SON: variants seen among roughly 807,000 people sequenced by gnomAD.
SON encodes the protein protein SON.
SON carries 4 observed loss-of-function variants against 173.3 expected under a neutral mutation model. The ratio of observed to expected loss-of-function variants is 0.02; its 90% CI spans 0.01 to 0.05. SON has a LOEUF of 0.05. SON is among the 10% of genes least tolerant of loss of function. The pLI, the probability that SON is intolerant of heterozygous loss-of-function variation, is 1.00. For missense variants in SON, 2,626 were observed against 3,055.3 expected (o/e 0.86, Z 3.31); for synonymous variants, 1,190 against 1,105.9 (o/e 1.08, Z -1.51).
rs1430557560 is a variant in SON at position 33,553,610 on chromosome 21, T to C, written c.4379T>C (p.Val1460Ala). 6.2e-7 allele frequency: 1 copy of C among 1,613,984 alleles called. No homozygotes were observed. The highest frequency in any genetic ancestry group is 1.1e-5 in the South Asian group (1 of 91,082). The change falls in exon 3 of 12, where the codon GTA becomes GCA. Residue 1460 changes from valine (V) to alanine (A), a missense_variant. Physicochemically the swap from Val to Ala is moderately conservative, Grantham distance 64. Coordinates refer to ENST00000356577, the MANE Select transcript of SON (RefSeq NM_138927.4). ...GTCACAGTCTCAGAGCAGACTCAAG[T>C]AATACCAACTGAGGTGGCTATAGAG... ...PAVTVSEQTQ[V>A]IPTEVAIEST...
At chr21:33,548,115 AAATC>A (rs72264757) in intron 2 of SON, among the ~76,000 whole-genome samples, 17,723 of 152,130 alleles carry the variant, frequency 0.12, 1,125 homozygotes, top group East Asian at 0.25. Flanking sequence ...TAGAGTAAAT[AAATC>A]CCATCTGGTT....
rs779267364 is a variant in SON at position 33,554,639 on chromosome 21, G to C, written c.5408G>C (p.Ser1803Thr). The C allele has an allele frequency of 8.7e-6, 14 of 1,612,982 alleles. No individual in the cohort carries two copies. The highest frequency in any genetic ancestry group is 3.3e-4 in the Middle Eastern group (2 of 6,062). The change falls in exon 3 of 12, where the codon AGC becomes ACC. Residue 1803 changes from serine (S) to threonine (T), a missense_variant. This residue lies in a region of SON where 1,006 missense variants were observed against 895.6 expected (regional missense o/e 1.12). Coordinates refer to ENST00000356577, the MANE Select transcript of SON (RefSeq NM_138927.4). ...AAAGTTAAGGACACTCACGAAAAAA[G>C]CAAGAAAAATAAGAACCGTGATAAG... Reference protein sequence around the residue: ...FVKVKDTHEKSKKNKNRDKGE... With the variant: ...FVKVKDTHEKTKKNKNRDKGE...
Position 33,553,453 on chromosome 21 carries a change from C to T in SON, c.4222C>T (p.Pro1408Ser), listed in dbSNP as rs1428108849. The T allele has an allele frequency of 1.9e-6, 3 of 1,614,190 alleles. No homozygotes were observed. Among genetic ancestry groups the T allele is most frequent in the African/African-American group, 2.7e-5 (2 of 75,040 alleles). The change falls in exon 3 of 12, where the codon CCA (proline) becomes TCA (serine). Residue 1408 changes from proline (P) to serine (S), a missense_variant. Physicochemically the swap from Pro to Ser is moderately conservative, Grantham distance 74. Around this residue, in one of 13 missense-constraint regions of SON, gnomAD observed 1,006 missense variants for 895.6 expected, o/e 1.12. Transcript: ENST00000356577. ...AEPDYVTIPVPVVSALEPSVP... is the reference protein window; with the variant it reads ...AEPDYVTIPVSVVSALEPSVP... ...GCCAGACTATGTTACCATTCCTGTG[C>T]CAGTTGTTTCTGCGCTGGAGCCTTC... is the stretch of plus-strand genomic sequence containing the variant.
In SON at chr21:33,554,151, C is replaced by T; in HGVS notation, c.4920C>T (p.Asp1640=). 2 of 1,614,122 alleles carry T rather than the reference C, an allele frequency of 1.2e-6. No individual in the cohort carries two copies. The highest frequency in any genetic ancestry group is 1.7e-6 in the Non-Finnish European group (2 of 1,179,980). ...TAACTACTCAAGATACTGAACATGACATGGTAATTTCCACCAGTCCTAGTG... is the reference window on the plus strand; with the variant it reads ...TAACTACTCAAGATACTGAACATGATATGGTAATTTCCACCAGTCCTAGTG... The part of the protein sequence containing the change: ...LSLTTQDTEH[D]MVISTSPSGG... Residue 1640 remains aspartate, a synonymous_variant, in exon 3 of 12, where the codon GAC becomes GAT. Transcript: ENST00000356577.
chr21:33,549,443 A>C, intron 2 of SON, 33 bp from the exon 3 acceptor site: 3 of 1,487,040 alleles, frequency 2.0e-6, no homozygotes, highest in Non-Finnish European at 2.7e-6. Flanking sequence ...ACTTTGGGGA[A>C]TGTCTGACAA....
intron 2 of SON, among the ~76,000 whole-genome samples, chr21:33,548,527 A>G (rs963820792): frequency 2.6e-5 from 4 of 152,202 alleles, no homozygotes; most frequent in Non-Finnish European, 4.4e-5. Flanking sequence ...ATATTTTTAT[A>G]CTCTGTAGAA....
chr21:33,549,649 A>T lies in SON; in HGVS notation c.418A>T (p.Thr140Ser). The T allele has an allele frequency of 6.2e-7, 1 of 1,610,360 alleles. No individual in the cohort carries two copies. The highest frequency in any genetic ancestry group is 8.5e-7 in the Non-Finnish European group (1 of 1,179,000). The change falls in exon 3 of 12, where the codon ACG (threonine) becomes TCG (serine). Residue 140 changes from threonine to serine, a missense_variant. Physicochemically the swap from Thr to Ser is moderately conservative, Grantham distance 58. Around this residue, in one of 13 missense-constraint regions of SON, gnomAD observed 757 missense variants for 730.1 expected, o/e 1.04. Coordinates refer to ENST00000356577, the MANE Select transcript of SON (RefSeq NM_138927.4). The stretch of plus-strand genomic sequence containing the variant: ...ACAGCCAGAAGAATCTGAGTCAAAG[A>T]CGAAATCTCATGATGATGGGAACAT... Reference protein sequence around the residue: ...KRQPEESESKTKSHDDGNIDL... With the variant: ...KRQPEESESKSKSHDDGNIDL...
chr21:33,561,633 AGT>A lies in SON; in HGVS notation c.6657+1868_6657+1869del, dbSNP rs975080970. ...GCTTACACTTTTTTGAGAGAGAGAG[AGT>A]GTGTGTGTGCGTCTATTTATTTGAA... is the stretch of plus-strand genomic sequence containing the variant. On this transcript the variant is annotated intron_variant, in intron 6 of 11. Coordinates refer to ENST00000356577, the MANE Select transcript of SON (RefSeq NM_138927.4). Among the ~76,000 whole-genome samples, 608 of 152,042 alleles carry A rather than the reference AGT, an allele frequency of 4.0e-3. 4 individuals carry two copies. Among genetic ancestry groups the A allele is most frequent in the African/African-American group, 0.014 (582 of 41,474 alleles).
At chr21:33,560,361 A>C in intron 6 of SON, 5 of 1,257,602 alleles carry the variant, frequency 4.0e-6, no homozygotes, top group South Asian at 2.5e-5. Context: ...CTTGTGTTTA[A>C]CCTAATGCTC....
rs1303313731 is a variant in SON, at chr21:33,573,466, C to A, written c.7033+11C>A. The A allele has an allele frequency of 1.2e-6, 2 of 1,604,052 alleles. No homozygotes were observed. Among genetic ancestry groups the A allele is most frequent in the African/African-American group, 2.7e-5 (2 of 74,314 alleles). On this transcript the variant is annotated intron_variant, in intron 9 of 11. Transcript: ENST00000356577. ...AGACAGACCGAAAAGGTAACAAGTT[C>A]TTTTTTGGAATGTTTATTAACGTCT... is the stretch of plus-strand genomic sequence containing the variant.
At chr21:33,548,296 T>G (rs951414094) in intron 2 of SON, among the ~76,000 whole-genome samples, 3 of 151,574 alleles carry the variant, frequency 2.0e-5, no homozygotes, top group African/African-American at 7.3e-5. Context: ...GGGGAAAATG[T>G]TATCTCTTTA....
chr21:33,549,624 A>G lies in SON; in HGVS notation c.393A>G (p.Arg131=). Residue 131 remains arginine, a synonymous_variant, in exon 3 of 12, where the codon AGA becomes AGG. Transcript: ENST00000356577. The part of the protein sequence containing the change: ...KKKEKEKKYK[R]QPEESESKTK... ...AAGAAAAGGAAAAAAAATATAAAAG[A>G]CAGCCAGAAGAATCTGAGTCAAAGA... is the stretch of plus-strand genomic sequence containing the variant. The G allele has an allele frequency of 6.2e-7, 1 of 1,603,712 alleles. No homozygotes were observed. Among genetic ancestry groups the G allele is most frequent in the Non-Finnish European group, 8.5e-7 (1 of 1,177,228 alleles).
At chr21:33,543,297 G>C (rs1299725437) in intron 1 of SON, 128 bp downstream of exon 1, 2 of 860,244 alleles carry the variant, frequency 2.3e-6, no homozygotes, top group Non-Finnish European at 3.8e-6. Context: ...GCCTGGGCCT[G>C]GGATCCATTT....
chr21:33,549,203 T>C (rs1224680974), intron 2 of SON, among the ~76,000 whole-genome samples: 1 of 148,782 alleles, frequency 6.7e-6, no homozygotes, highest in East Asian at 2.1e-4. Context: ...GCCTCCCAAA[T>C]AGCTGGGACT....
rs2085790709 is a variant in SON at position 33,551,614 on chromosome 21, A to T, written c.2383A>T (p.Met795Leu). 6.2e-7 allele frequency: 1 copy of T among 1,612,020 alleles called. No homozygotes were observed. The highest frequency in any genetic ancestry group is 2.2e-5 in the East Asian group (1 of 44,774). The stretch of plus-strand genomic sequence containing the variant: ...AGCAACTAGCACTATGGACTCCCAG[A>T]TGTTAGCAACCAGTTCCATGGACTC... ...MLATSTMDSQ[M>L]LATSSMDSQM... Residue 795 changes from methionine (M) to leucine (L), a missense_variant, in exon 3 of 12, where the codon ATG (methionine) becomes TTG (leucine). Transcript: ENST00000356577.
At chr21:33,572,935 C>A (rs2086318796) in intron 8 of SON, 3 of 216,328 alleles carry the variant, frequency 1.4e-5, no homozygotes, top group Admixed American at 5.4e-5. Context: ...ACACCTGGGA[C>A]AATTAATATC....
Position 33,550,207 on chromosome 21 carries a change from A to C in SON, c.976A>C (p.Met326Leu), listed in dbSNP as rs1221115997. 1.9e-6 allele frequency: 3 copies of C among 1,614,124 alleles called. No homozygotes were observed. Among genetic ancestry groups the C allele is most frequent in the Non-Finnish European group, 2.5e-6 (3 of 1,180,056 alleles). ...CCCTGAGCCAAGCACATCAACAACA[A>C]TGGATTTTCCAGAGTCATCTGCAAT... ...VYPEPSTSTT[M>L]DFPESSAIEA... The change falls in exon 3 of 12, where the codon ATG (methionine) becomes CTG (leucine). Residue 326 changes from methionine (M) to leucine (L), a missense_variant. Met to Leu is a conservative substitution (Grantham distance 15). Around this residue, in one of 13 missense-constraint regions of SON, gnomAD observed 757 missense variants for 730.1 expected, o/e 1.04. Transcript: ENST00000356577.
intron 1 of SON, among the ~76,000 whole-genome samples, chr21:33,544,757 G>C (rs1236260174): frequency 6.6e-6 from 1 of 152,160 alleles, no homozygotes; most frequent in Non-Finnish European, 1.5e-5. Context: ...ACGATTGCTG[G>C]CTTTAAGATG....
intron 8 of SON, chr21:33,572,615 T>TG (rs1476141850): frequency 1.5e-6 from 2 of 1,303,692 alleles, no homozygotes; most frequent in Non-Finnish European, 2.0e-6. Flanking sequence ...ACAACACTGC[T>TG]GCTACCGAGG....
Sources: allele counts gnomAD v4.1 joint callset (sites outside exome capture counted in the v4.1 genomes callset), GRCh38; gene constraint gnomAD v4.1.1; regional missense constraint gnomAD v4.1.1; transcripts MANE v1.5; gene names NCBI Gene and HGNC (gene_info 2026-07-23, HGNC 2026-07-21).